CEP350: variants seen among roughly 807,000 people sequenced by gnomAD.
The protein encoded by CEP350 is centrosomal protein 350.
CEP350 carries 126 observed loss-of-function variants against 331.8 expected under a neutral mutation model. The ratio of observed to expected loss-of-function variants is 0.38; its 90% confidence interval spans 0.33 to 0.44. The LOEUF is 0.44. Ranked by LOEUF, CEP350 falls within the 20% of genes least tolerant of loss-of-function variation. The pLI is 1.00. For missense variants in CEP350, 3,406 were observed against 3,634.6 expected, an observed-to-expected ratio of 0.94 and a Z score of 1.62; for synonymous variants, 1,200 against 1,259.5, an observed-to-expected ratio of 0.95 and a Z score of 1.00.
In CEP350 at chr1:180,113,801, A is replaced by G. The variant is rs1056860777; in HGVS notation, c.*2640A>G. 6 of 152,596 alleles carry G rather than the reference A, an allele frequency of 3.9e-5. No homozygotes were observed. Among genetic ancestry groups the G allele is most frequent in the African/African-American group, 1.2e-4 (5 of 41,446 alleles). The allele number at this position is 152,596 out of a possible 1,614,324, so 9.5% of individuals were successfully genotyped here. On this transcript the variant is annotated 3_prime_UTR_variant, in exon 38 of 38. Coordinates refer to ENST00000367607, the MANE Select transcript of CEP350 (RefSeq NM_014810.5). ...CCTCATCCTCTTTCACTCTTCCTTC[A>G]TAATTCCTCTAAGAAAAATATCTTT...
At chr1:180,104,213 T>C (rs1276845570) in intron 37 of CEP350, among the ~76,000 whole-genome samples, 1 of 151,280 alleles carries the variant, frequency 6.6e-6, no homozygotes, top group Non-Finnish European at 1.5e-5. Context: ...CTTGTAGAGT[T>C]GTTTTTTGTT....
intron 19 of CEP350, among the ~76,000 whole-genome samples, chr1:180,042,266 C>T (rs1656819880): frequency 6.6e-6 from 1 of 151,958 alleles, no homozygotes. Flanking sequence ...CACTGATCTG[C>T]TTTGGGTGAA....
intron 17 of CEP350, among the ~76,000 whole-genome samples, chr1:180,040,192 G>GTGTC (rs112729330): frequency 0.035 from 5,390 of 152,108 alleles, 181 homozygotes; most frequent in African/African-American, 0.072. Flanking sequence ...CATTGTGACA[G>GTGTC]CAGAAACTCT....
At chr1:179,966,291 T>C (rs1651008019) in intron 1 of CEP350, among the ~76,000 whole-genome samples, 1 of 152,190 alleles carries the variant, frequency 6.6e-6, no homozygotes, top group Non-Finnish European at 1.5e-5. Flanking sequence ...CATCCCTAGA[T>C]GAGACTGATT....
intron 30 of CEP350, among the ~76,000 whole-genome samples, chr1:180,081,016 C>T (rs1258335224): frequency 1.3e-5 from 2 of 151,336 alleles, no homozygotes; most frequent in African/African-American, 4.9e-5. Flanking sequence ...CCCGCCACCA[C>T]GCCTGGCTAA....
intron 19 of CEP350, 93 bp from the exon 20 acceptor site, chr1:180,042,963 A>G: frequency 1.4e-6 from 2 of 1,397,932 alleles, no homozygotes; most frequent in Non-Finnish European, 1.9e-6. Flanking sequence ...TTCTCAAGTC[A>G]GTGATCTTTC....
chr1:180,041,101 C>T lies in CEP350; in HGVS notation c.4111-37C>T, dbSNP rs574314280. 330 of 1,452,648 alleles carry T rather than the reference C, an allele frequency of 2.3e-4. No homozygotes were observed. The East Asian group carries it at 3.9e-3, about 17-fold the overall frequency. 90.0% of individuals were successfully genotyped at this position (1,452,648 alleles called of 1,614,324 possible). On this transcript the variant is annotated intron_variant, in intron 17 of 37. Transcript: ENST00000367607. ...TATAGTCACTGTGTTAAAATAGTTT[C>T]GTATCTGAGAATTAACATTTGACCA... is the stretch of plus-strand genomic sequence containing the variant.
intron 14 of CEP350, among the ~76,000 whole-genome samples, chr1:180,030,326 C>CAT (rs2148874584): frequency 8.8e-6 from 1 of 114,010 alleles, no homozygotes; most frequent in Non-Finnish European, 1.9e-5. Flanking sequence ...TATATATATA[C>CAT]ATATGTGTGT....
chr1:180,076,575 AC>A (rs1446580665), intron 28 of CEP350, among the ~76,000 whole-genome samples: 2 of 152,020 alleles, frequency 1.3e-5, no homozygotes, highest in Non-Finnish European at 2.9e-5. Flanking sequence ...GATCACTTGA[AC>A]CCAGGAGTTT....
At chr1:180,103,775 G>T (rs994136848) in intron 37 of CEP350, among the ~76,000 whole-genome samples, 5 of 151,754 alleles carry the variant, frequency 3.3e-5, no homozygotes, top group Non-Finnish European at 7.4e-5. Flanking sequence ...GACATCTTTG[G>T]CCTTAATTCT....
rs1321861987 is a variant in CEP350 at position 180,022,711 on chromosome 1, G to A, written c.3249G>A (p.Lys1083=). 6.2e-7 allele frequency: 1 copy of A among 1,612,042 alleles called. No individual in the cohort carries two copies. The highest frequency in any genetic ancestry group is 1.3e-5 in the African/African-American group (1 of 75,024). Residue 1083 remains lysine (K), a synonymous_variant, in exon 13 of 38, where the codon AAG becomes AAA. Coordinates refer to ENST00000367607, the MANE Select transcript of CEP350 (RefSeq NM_014810.5). ...TACTTTTGTCAGGGTTTGAAGACAA[G>A]TTGGACAGAGGAACATCAACATCAC... The part of the protein sequence containing the change: ...YQLYGKGFED[K]LDRGTSTSRP...
At chr1:180,080,727 C>T in intron 30 of CEP350, 66 bp downstream of exon 30, 1 of 1,415,730 alleles carries the variant, frequency 7.1e-7, no homozygotes, top group South Asian at 1.2e-5. Flanking sequence ...TAAAAGGCTT[C>T]AAGGAGTTTG....
At position 180,004,906 on chromosome 1, in the gene CEP350, G is replaced by GCTTGCTTT. The variant is rs1363516834; in HGVS notation, c.1133-1545_1133-1544insGCTTTCTT. 5.3e-3 allele frequency among the ~76,000 whole-genome samples: 694 copies of GCTTGCTTT among 130,698 alleles called. 8 individuals carry two copies. Among genetic ancestry groups the GCTTGCTTT allele is most frequent in the African/African-American group, 0.013 (416 of 32,252 alleles). The allele number at this position is 130,698 out of a possible 152,430, so 85.7% of individuals were successfully genotyped here. On this transcript the variant is annotated intron_variant, in intron 7 of 37. Transcript: ENST00000367607. ...TGCTTGCTTGCTTGCTTGCTTGCTT[G>GCTTGCTTT]CTTTCTTTCTTTCTTTCTTTCTTTC...
chr1:180,098,450 C>T (rs1346056294), intron 36 of CEP350, among the ~76,000 whole-genome samples: 2 of 152,114 alleles, frequency 1.3e-5, no homozygotes, highest in South Asian at 2.1e-4. Flanking sequence ...AATCAGTTCT[C>T]CCACCTCACC....
Position 180,111,111 on chromosome 1 carries a change from G to A in CEP350, c.9304G>A (p.Asp3102Asn), listed in dbSNP as rs922260600. The A allele has an allele frequency of 6.2e-7, 1 of 1,613,990 alleles. No homozygotes were observed. The highest frequency in any genetic ancestry group is 8.5e-7 in the Non-Finnish European group (1 of 1,179,876). ...TGAGACCCTGATCAAAGATACTATT[G>A]ATGTTCTGAATCAGATCAGTGAAAA... ...IFETLIKDTI[D>N]VLNQISEKQG... is the part of the protein sequence containing the mutation. Residue 3102 changes from aspartate to asparagine, a missense_variant, in exon 38 of 38, where the codon GAT becomes AAT. This residue lies in a region of CEP350 where 29 missense variants were observed against 52.8 expected (regional missense o/e 0.55). Coordinates refer to ENST00000367607, the MANE Select transcript of CEP350 (RefSeq NM_014810.5).
At chr1:179,959,130 T>G (rs1462308205) in intron 1 of CEP350, among the ~76,000 whole-genome samples, 1 of 152,204 alleles carries the variant, frequency 6.6e-6, no homozygotes, top group Non-Finnish European at 1.5e-5. Flanking sequence ...ATCAACAGAG[T>G]GTCTCATAAT....
intron 5 of CEP350, among the ~76,000 whole-genome samples, chr1:179,992,643 C>T (rs1571832940): frequency 6.6e-6 from 1 of 150,954 alleles, no homozygotes; most frequent in South Asian, 2.1e-4. Context: ...ACATAAAATT[C>T]CTATCTTATT....
At chr1:179,971,720 G>A (rs1484305167) in intron 1 of CEP350, among the ~76,000 whole-genome samples, 1 of 152,126 alleles carries the variant, frequency 6.6e-6, no homozygotes, top group Non-Finnish European at 1.5e-5. Flanking sequence ...TTTAGTGTCT[G>A]GTTTAATAGA....
chr1:179,979,643 TC>T (rs1238910070), intron 1 of CEP350, among the ~76,000 whole-genome samples: 1 of 152,084 alleles, frequency 6.6e-6, no homozygotes, highest in East Asian at 1.9e-4. Flanking sequence ...CTGAACTGTT[TC>T]CCTTATGTTT....
Sources: allele counts gnomAD v4.1 joint callset (sites outside exome capture counted in the v4.1 genomes callset), GRCh38; gene constraint gnomAD v4.1.1; regional missense constraint gnomAD v4.1.1; transcripts MANE v1.5; gene names NCBI Gene and HGNC (gene_info 2026-07-23, HGNC 2026-07-21).